The following ARL15 variants were observed in gnomAD, a reference collection of about 807,000 sequenced individuals.
ARL15 encodes ADP-ribosylation factor-like protein 15.
Under a neutral mutation model 25.2 loss-of-function variants are expected in ARL15, and 19 were observed. The ratio of observed to expected loss-of-function variants is 0.75; its 90% CI spans 0.53 to 1.10. The LOEUF is 1.10. ARL15 is among the 50% of genes least tolerant of loss of function. The probability of loss-of-function intolerance (pLI) is 0.00; values close to 1 mark genes in which losing one functional copy is unlikely to be tolerated. For synonymous variants in ARL15, 94 were observed against 86.8 expected (o/e 1.08, Z -0.46); for missense variants, 220 against 246.0 (o/e 0.89, Z 0.71).
At chr5:53,992,354 G>A (rs182772436) in intron 4 of ARL15, among the ~76,000 whole-genome samples, 4 of 152,250 alleles carry the variant, frequency 2.6e-5, no homozygotes, top group Admixed American at 2.0e-4. Context: ...ACTGAACAAT[G>A]TCATAACACT....
chr5:54,152,641 T>A (rs577937628), intron 3 of ARL15, among the ~76,000 whole-genome samples: 3 of 152,298 alleles, frequency 2.0e-5, no homozygotes, highest in East Asian at 3.9e-4. Context: ...AACTTATGTA[T>A]CACTAGCCTG....
intron 1 of ARL15, among the ~76,000 whole-genome samples, chr5:54,283,062 A>G (rs945195086): frequency 3.3e-5 from 5 of 152,202 alleles, no homozygotes. Flanking sequence ...ATTATGGTTT[A>G]TTGTTGACAA....
chr5:54,274,878 A>T (rs543278424), intron 1 of ARL15, among the ~76,000 whole-genome samples: 9 of 152,306 alleles, frequency 5.9e-5, no homozygotes, highest in African/African-American at 2.2e-4. Flanking sequence ...TGGATGACAG[A>T]GCAAGATTCT....
chr5:53,981,729 C>T (rs1353899528), intron 4 of ARL15, among the ~76,000 whole-genome samples: 2 of 151,778 alleles, frequency 1.3e-5, no homozygotes. Flanking sequence ...AACCCCATCT[C>T]TATTAAAAAT....
At chr5:53,902,229 C>T (rs3776742) in intron 4 of ARL15, among the ~76,000 whole-genome samples, 51,633 of 152,068 alleles carry the variant, frequency 0.34, 9,258 homozygotes, top group Non-Finnish European at 0.4. Flanking sequence ...ACACGTCAAA[C>T]GATTGCTACC....
chr5:53,915,510 A>T (rs927039044), intron 4 of ARL15, among the ~76,000 whole-genome samples: 1 of 152,220 alleles, frequency 6.6e-6, no homozygotes, highest in Non-Finnish European at 1.5e-5. Flanking sequence ...ATAAATCCAT[A>T]GCAAAAGAAG....
chr5:54,092,116 G>A (rs1023355531), intron 4 of ARL15, among the ~76,000 whole-genome samples: 1 of 150,576 alleles, frequency 6.6e-6, no homozygotes, highest in East Asian at 1.9e-4. Flanking sequence ...ATCTATACAC[G>A]TTCGTTCCGG....
chr5:54,200,187 T>C (rs1417562028), intron 1 of ARL15, among the ~76,000 whole-genome samples: 3 of 151,008 alleles, frequency 2.0e-5, no homozygotes, highest in Non-Finnish European at 3.0e-5. Flanking sequence ...GAGATATACA[T>C]AATGCTAGAT....
intron 4 of ARL15, among the ~76,000 whole-genome samples, chr5:54,082,177 A>T (rs1751822120): frequency 6.6e-6 from 1 of 152,060 alleles, no homozygotes; most frequent in South Asian, 2.1e-4. Flanking sequence ...TGATGAGAAC[A>T]CTTCCACTAC....
intron 1 of ARL15, among the ~76,000 whole-genome samples, chr5:54,184,606 G>A (rs1285074767): frequency 8.1e-6 from 1 of 122,846 alleles, no homozygotes; most frequent in Non-Finnish European, 1.7e-5. Context: ...AAGCTAGAAA[G>A]GCTTATAACA....
rs745855321 is a variant in ARL15, at chr5:53,886,607, A to G, written c.569T>C (p.Leu190Pro). 1 of 1,562,684 alleles carries G rather than the reference A, an allele frequency of 6.4e-7. No individual in the cohort carries two copies. ...GTCTTTTTCTTCTAACAAATTAATC[A>G]GCTGAGAGAAGCTGTCTTTCAGTGC... ...MDALKDSFSQLINLLEEKDHE... is the reference protein window; with the variant it reads ...MDALKDSFSQPINLLEEKDHE... Residue 190 changes from leucine to proline, a missense_variant, in exon 5 of 5, where the codon CTG becomes CCG. Physicochemically the swap from Leu to Pro is moderately conservative, Grantham distance 98. Coordinates refer to ENST00000504924, the MANE Select transcript of ARL15 (RefSeq NM_019087.3).
At chr5:54,232,386 G>T (rs1756694244) in intron 1 of ARL15, among the ~76,000 whole-genome samples, 1 of 152,134 alleles carries the variant, frequency 6.6e-6, no homozygotes, top group Non-Finnish European at 1.5e-5. Flanking sequence ...TCTCAAAAAG[G>T]TAGGCAGAAA....
intron 4 of ARL15, among the ~76,000 whole-genome samples, chr5:53,961,804 AT>A (rs1487569546): frequency 6.6e-6 from 1 of 152,198 alleles, no homozygotes. Flanking sequence ...GTTGGCATGT[AT>A]TAATTTAATG....
intron 1 of ARL15, among the ~76,000 whole-genome samples, chr5:54,202,878 A>G (rs1452206860): frequency 6.6e-6 from 1 of 152,182 alleles, no homozygotes; most frequent in Non-Finnish European, 1.5e-5. Flanking sequence ...ATCAATAGAA[A>G]AAAGTCTTCA....
intron 1 of ARL15, among the ~76,000 whole-genome samples, chr5:54,190,443 T>G (rs1755365426): frequency 6.6e-6 from 1 of 152,094 alleles, no homozygotes. Context: ...GCCACTGTCT[T>G]AGACTGTTCC....
chr5:54,223,616 A>G (rs1300410533), intron 1 of ARL15, among the ~76,000 whole-genome samples: 1 of 152,222 alleles, frequency 6.6e-6, no homozygotes, highest in Non-Finnish European at 1.5e-5. Context: ...TCTAAATATG[A>G]AAATAACAAT....
At chr5:53,897,033 T>C (rs1257957004) in intron 4 of ARL15, among the ~76,000 whole-genome samples, 1 of 152,220 alleles carries the variant, frequency 6.6e-6, no homozygotes, top group African/African-American at 2.4e-5. Context: ...TATGTTTCTT[T>C]AGCACATGTT....
intron 4 of ARL15, among the ~76,000 whole-genome samples, chr5:54,009,872 C>T (rs999665467): frequency 6.6e-6 from 1 of 152,022 alleles, no homozygotes; most frequent in African/African-American, 2.4e-5. Context: ...GTTATCAGAG[C>T]TCTTAACAAA....
intron 1 of ARL15, among the ~76,000 whole-genome samples, chr5:54,278,154 GTTA>G (rs1258549316): frequency 2.0e-5 from 3 of 152,174 alleles, no homozygotes; most frequent in African/African-American, 7.2e-5. Flanking sequence ...CCATGATGGT[GTTA>G]TTATAGTTCC....
Sources: allele counts gnomAD v4.1 joint callset (sites outside exome capture counted in the v4.1 genomes callset), GRCh38; gene constraint gnomAD v4.1.1; transcripts MANE v1.5; gene names NCBI Gene and HGNC (gene_info 2026-07-23, HGNC 2026-07-21).